SGCE: variants seen among roughly 807,000 people sequenced by gnomAD.
The protein encoded by SGCE is sarcoglycan epsilon.
SGCE carries 26 observed loss-of-function variants against 57.8 expected under a neutral mutation model. The observed-to-expected ratio is 0.45, with a 90% CI of 0.33 to 0.62. The LOEUF (loss-of-function observed/expected upper bound fraction) is 0.62. Among genes scored for constraint, SGCE ranks in the 20% least tolerant of loss-of-function variants. SGCE has a pLI of 0.02. For synonymous variants in SGCE, 183 were observed against 189.5 expected (o/e 0.97, Z 0.28); for missense variants, 468 against 548.6 (o/e 0.85, Z 1.47).
intron 1 of SGCE, among the ~76,000 whole-genome samples, chr7:94,632,603 A>G (rs749913905): frequency 5.9e-5 from 9 of 152,114 alleles, no homozygotes; most frequent in Non-Finnish European, 7.4e-5. Context: ...TCATCTAGAA[A>G]TGGAAAATGA....
At chr7:94,598,726 T>TA (rs1424337881) in intron 9 of SGCE, 49 bp downstream of exon 9, 1 of 1,241,544 alleles carries the variant, frequency 8.1e-7, no homozygotes, top group East Asian at 2.3e-5. Flanking sequence ...CAGATATTAG[T>TA]AAAAATATAC....
chr7:94,638,232 A>G (rs1417802820), intron 1 of SGCE, among the ~76,000 whole-genome samples: 1 of 152,194 alleles, frequency 6.6e-6, no homozygotes, highest in East Asian at 1.9e-4. Flanking sequence ...TTTCTTACAG[A>G]TCTTAGCAAG....
chr7:94,644,317 T>A (rs1291618623), intron 1 of SGCE, among the ~76,000 whole-genome samples: 3 of 152,232 alleles, frequency 2.0e-5, no homozygotes, highest in Non-Finnish European at 4.4e-5. Flanking sequence ...TAAGATTCCA[T>A]GATTCATTTT....
At chr7:94,603,255 TTAAC>T (rs1799554257) in intron 6 of SGCE, 31 bp downstream of exon 6, 1 of 1,566,570 alleles carries the variant, frequency 6.4e-7, no homozygotes, top group African/African-American at 1.4e-5. Context: ...CACATTATTT[TTAAC>T]TAAACTTGCA....
At position 94,600,745 on chromosome 7, in the gene SGCE, T is replaced by C. The variant is rs1208881777; in HGVS notation, c.938A>G (p.Tyr313Cys). The C allele has an allele frequency of 6.2e-7, 1 of 1,613,756 alleles. No homozygotes were observed. The highest frequency in any genetic ancestry group is 8.5e-7 in the Non-Finnish European group (1 of 1,179,800). Residue 313 changes from tyrosine to cysteine, a missense_variant, in exon 7 of 11, where the codon TAT becomes TGT. Transcript: ENST00000648936. The part of the protein sequence containing the change: ...PPSDSLKSRD[Y>C]YTDFLITLAV... ...CAGTGTAATTAGGAAATCCGTGTAA[T>C]AGTCTCTGCTTTTCAAAGAATCAGA...
chr7:94,639,196 G>C (rs1806032505), intron 1 of SGCE: 1 of 563,718 alleles, frequency 1.8e-6, no homozygotes, highest in Non-Finnish European at 3.2e-6. Context: ...AGTTTTAGAA[G>C]ATTAGGAAAA....
Position 94,639,222 on chromosome 7 carries a change from T to C in SGCE, c.110-9381A>G, listed in dbSNP as rs1048496815. On this transcript the variant is annotated intron_variant, in intron 1 of 10. Coordinates refer to ENST00000648936, the MANE Select transcript of SGCE (RefSeq NM_003919.3). Reference sequence around the variant, plus strand: ...ATTAGGAAAACAAAATTTTAGTTTTTCAGACTTACTAACAACAACAACAAA... The same window carrying C: ...ATTAGGAAAACAAAATTTTAGTTTTCCAGACTTACTAACAACAACAACAAA... 6.2e-5 allele frequency: 39 copies of C among 631,188 alleles called. No homozygotes were observed. The Admixed American group carries it at 1.1e-3, about 18-fold the overall frequency. 39.1% of individuals were successfully genotyped at this position (631,188 alleles called of 1,614,324 possible). A position where few individuals can be genotyped will look rare whatever the true frequency, so the allele number is the denominator to read the frequency against.
intron 1 of SGCE, among the ~76,000 whole-genome samples, chr7:94,639,954 G>T (rs942387509): frequency 4.6e-5 from 7 of 152,156 alleles, no homozygotes; most frequent in African/African-American, 1.7e-4. Context: ...AGCAGTCAGG[G>T]TGAAGCACAA....
chr7:94,617,312 G>A lies in SGCE; in HGVS notation c.662+1446C>T, dbSNP rs910250265. 5.9e-5 allele frequency: 9 copies of A among 152,166 alleles called. No homozygotes were observed. In the South Asian group the frequency reaches 6.2e-4, roughly 11 times the overall value. 9.4% of individuals were successfully genotyped at this position (152,166 alleles called of 1,614,324 possible). A position where few individuals can be genotyped will look rare whatever the true frequency, so the allele number is the denominator to read the frequency against. On this transcript the variant is annotated intron_variant, in intron 5 of 10. Transcript: ENST00000648936. ...GTTCAGGTTCTAAAAGTACCTCGAC[G>A]GGTGGGACCTGCACTACTAACGAGA...
chr7:94,651,879 C>T (rs1204305222), intron 1 of SGCE, among the ~76,000 whole-genome samples: 1 of 152,024 alleles, frequency 6.6e-6, no homozygotes, highest in East Asian at 1.9e-4. Context: ...GAATCAGAAA[C>T]ATATTCACTT....
intron 5 of SGCE, among the ~76,000 whole-genome samples, chr7:94,609,440 G>A (rs1800667403): frequency 6.6e-6 from 1 of 152,188 alleles, no homozygotes; most frequent in Non-Finnish European, 1.5e-5. Context: ...GCTGAGGCAT[G>A]AGAATCACTT....
chr7:94,641,629 T>G (rs762254567), intron 1 of SGCE, among the ~76,000 whole-genome samples: 3 of 152,148 alleles, frequency 2.0e-5, no homozygotes, highest in Non-Finnish European at 2.9e-5. Flanking sequence ...TAGTGGAGTA[T>G]AGCAAACTTA....
intron 1 of SGCE, among the ~76,000 whole-genome samples, chr7:94,636,552 G>A (rs1805614496): frequency 6.6e-6 from 1 of 152,168 alleles, no homozygotes; most frequent in African/African-American, 2.4e-5. Flanking sequence ...GAGTGGGTGT[G>A]TCAAAGAAGC....
chr7:94,656,082 C>G lies in SGCE; in HGVS notation c.17G>C (p.Trp6Ser). 1 of 1,611,060 alleles carries G rather than the reference C, an allele frequency of 6.2e-7. No individual in the cohort carries two copies. Among genetic ancestry groups the G allele is most frequent in the Non-Finnish European group, 8.5e-7 (1 of 1,177,274 alleles). The change falls in exon 1 of 11, where the codon TGG (tryptophan) becomes TCG (serine). Residue 6 changes from tryptophan to serine, a missense_variant. Physicochemically the swap from Trp to Ser is radical, Grantham distance 177 (BLOSUM62 -3). Transcript: ENST00000648936. MQLPR[W>S]WELGDPCAWT... Reference sequence around the variant, plus strand: ...AGCACAGGGGTCTCCCAGCTCCCACCACCGGGGCAATTGCATTCTTGGCCT... The same window carrying G: ...AGCACAGGGGTCTCCCAGCTCCCACGACCGGGGCAATTGCATTCTTGGCCT...
intron 5 of SGCE, among the ~76,000 whole-genome samples, chr7:94,612,266 TA>T (rs1801158174): frequency 6.6e-6 from 1 of 152,176 alleles, no homozygotes; most frequent in Non-Finnish European, 1.5e-5. Context: ...TTTTTTTTCT[TA>T]AATTATAAAA....
At chr7:94,633,740 A>G (rs1805100372) in intron 1 of SGCE, among the ~76,000 whole-genome samples, 1 of 152,160 alleles carries the variant, frequency 6.6e-6, no homozygotes, top group South Asian at 2.1e-4. Flanking sequence ...GCTTATTACA[A>G]TTACCTTCAA....
chr7:94,632,922 A>G (rs1282032473), intron 1 of SGCE, among the ~76,000 whole-genome samples: 2 of 152,124 alleles, frequency 1.3e-5, no homozygotes, highest in Non-Finnish European at 2.9e-5. Flanking sequence ...CAGTTAACAC[A>G]TGTTGCAGTC....
chr7:94,613,179 A>C (rs1178783819), intron 5 of SGCE, among the ~76,000 whole-genome samples: 3 of 152,222 alleles, frequency 2.0e-5, no homozygotes, highest in Admixed American at 6.5e-5. Flanking sequence ...TGTCTCATTA[A>C]GTTTTTTTAA....
intron 5 of SGCE, among the ~76,000 whole-genome samples, chr7:94,615,156 C>T (rs1801684285): frequency 6.6e-6 from 1 of 152,030 alleles, no homozygotes. Flanking sequence ...GTCAGGAGTT[C>T]CAGACCAGCC....
Sources: allele counts gnomAD v4.1 joint callset (sites outside exome capture counted in the v4.1 genomes callset), GRCh38; gene constraint gnomAD v4.1.1; transcripts MANE v1.5; gene names NCBI Gene and HGNC (gene_info 2026-07-23, HGNC 2026-07-21).